KIF26B: variants seen among roughly 807,000 people sequenced by gnomAD.
The protein encoded by KIF26B is kinesin-like protein KIF26B.
KIF26B carries 63 observed loss-of-function variants against 151.2 expected under a neutral mutation model. That is an observed-to-expected ratio of 0.42 (90% CI 0.34 to 0.51). KIF26B has a LOEUF of 0.51. Ranked by LOEUF, KIF26B falls within the 20% of genes least tolerant of loss-of-function variation. The pLI is 0.07. For synonymous variants in KIF26B, 1,357 were observed against 1,262.1 expected (o/e 1.08, Z -1.59); for missense variants, 2,813 against 2,913.6 (o/e 0.97, Z 0.79).
rs1019548662 is a variant in KIF26B at position 245,702,875 on chromosome 1, T to G, written c.*269T>G. On this transcript the variant is annotated 3_prime_UTR_variant, in exon 15 of 15. Coordinates refer to ENST00000407071, the MANE Select transcript of KIF26B (RefSeq NM_018012.4). The surrounding 1 kb of genome is among the most constrained non-coding windows in gnomAD (Gnocchi z 4.1). ...GACTGAAAAAGCACTTTGAGGAACC[T>G]TAAAGACCTTGTTTGTACATAAGAA... The G allele has an allele frequency of 5.1e-6, 2 of 393,876 alleles. No homozygotes were observed. The highest frequency in any genetic ancestry group is 4.0e-5 in the African/African-American group (2 of 49,712). 24.4% of individuals were successfully genotyped at this position (393,876 alleles called of 1,614,324 possible).
Position 245,179,039 on chromosome 1 carries a change from G to A in KIF26B, c.465+22356G>A, listed in dbSNP as rs1375964788. ...TGTATACAAATGTTCATATTTGACA[G>A]ATATTCTAAGCATTAGAGATATTTA... is the stretch of plus-strand genomic sequence containing the variant. On this transcript the variant is annotated intron_variant, in intron 2 of 14. Coordinates refer to ENST00000407071, the MANE Select transcript of KIF26B (RefSeq NM_018012.4). Among the ~76,000 whole-genome samples, 7 of 151,786 alleles carry A rather than the reference G, an allele frequency of 4.6e-5. No homozygotes were observed. In the East Asian group the frequency reaches 1.4e-3, roughly 29 times the overall value.
At chr1:245,315,818 G>A (rs1044323374) in intron 2 of KIF26B, among the ~76,000 whole-genome samples, 2 of 152,170 alleles carry the variant, frequency 1.3e-5, no homozygotes, top group African/African-American at 2.4e-5. Context: ...CTTGAGCCCC[G>A]TAGATGGAGG....
intron 4 of KIF26B, among the ~76,000 whole-genome samples, chr1:245,429,612 G>C (rs1192697691): frequency 6.6e-6 from 1 of 152,002 alleles, no homozygotes; most frequent in African/African-American, 2.4e-5. Context: ...TCATTTTTTT[G>C]TTGGTTTTTG....
chr1:245,492,348 C>T (rs1660425670), intron 4 of KIF26B, among the ~76,000 whole-genome samples: 1 of 152,182 alleles, frequency 6.6e-6, no homozygotes, highest in African/African-American at 2.4e-5. Context: ...AAGATGATAT[C>T]TACAAGCTTT....
chr1:245,233,615 A>G (rs199977233), intron 2 of KIF26B, among the ~76,000 whole-genome samples: 1 of 151,990 alleles, frequency 6.6e-6, no homozygotes, highest in Non-Finnish European at 1.5e-5. Flanking sequence ...TTGATTTGCC[A>G]CCTGCCACTT....
At chr1:245,199,601 C>T (rs1161041831) in intron 2 of KIF26B, among the ~76,000 whole-genome samples, 1 of 152,006 alleles carries the variant, frequency 6.6e-6, no homozygotes, top group Admixed American at 6.6e-5. Context: ...GCCTCAGCCT[C>T]CCAAGCAGCT....
rs542642031 is a variant in KIF26B, at chr1:245,591,863, G to A, written c.1351-10714G>A. On this transcript the variant is annotated intron_variant, in intron 5 of 14. Coordinates refer to ENST00000407071, the MANE Select transcript of KIF26B (RefSeq NM_018012.4). ...TGCAGCCTGGCCAGCCCTGTCCCACGCCTGCTAATTGGTGGGGGGACCTGG... is the reference window on the plus strand; with the variant it reads ...TGCAGCCTGGCCAGCCCTGTCCCACACCTGCTAATTGGTGGGGGGACCTGG... Among the ~76,000 whole-genome samples the A allele has an allele frequency of 4.6e-5, 7 of 152,178 alleles. No homozygotes were observed. The East Asian group carries it at 9.7e-4, about 21-fold the overall frequency.
At chr1:245,575,558 A>AT (rs1295432046) in intron 5 of KIF26B, among the ~76,000 whole-genome samples, 1 of 151,990 alleles carries the variant, frequency 6.6e-6, no homozygotes, top group East Asian at 1.9e-4. Flanking sequence ...CTGTTTTTAG[A>AT]TTTTCCTTCG....
rs779789622 is a variant in KIF26B at position 245,687,223 on chromosome 1, C to G, written c.4240C>G (p.Pro1414Ala). 5 of 1,612,858 alleles carry G rather than the reference C, an allele frequency of 3.1e-6. No homozygotes were observed. Among genetic ancestry groups the G allele is most frequent in the Non-Finnish European group, 8.5e-7 (1 of 1,179,692 alleles). Residue 1414 changes from proline to alanine, a missense_variant, in exon 12 of 15, where the codon CCC becomes GCC. Pro to Ala is a conservative substitution (Grantham distance 27). This residue lies in a region of KIF26B where 2,060 missense variants were observed against 2,088.6 expected (regional missense o/e 0.99). Transcript: ENST00000407071. The surrounding 1 kb of genome is among the most constrained non-coding windows in gnomAD (Gnocchi z 4.9). ...IQEPEAPTAT[P>A]KAGPTLAQSR... ...AGAGCCGGAGGCCCCCACCGCCACCCCCAAAGCAGGCCCCACATTAGCCCA... is the reference window on the plus strand; with the variant it reads ...AGAGCCGGAGGCCCCCACCGCCACCGCCAAAGCAGGCCCCACATTAGCCCA...
At chr1:245,180,513 C>T (rs1454115681) in intron 2 of KIF26B, among the ~76,000 whole-genome samples, 1 of 152,182 alleles carries the variant, frequency 6.6e-6, no homozygotes, top group Non-Finnish European at 1.5e-5. Flanking sequence ...AATACTTAGC[C>T]CAAGTAAATG....
At chr1:245,180,244 G>T (rs1668881137) in intron 2 of KIF26B, among the ~76,000 whole-genome samples, 1 of 152,128 alleles carries the variant, frequency 6.6e-6, no homozygotes, top group African/African-American at 2.4e-5. Context: ...AGAGACTCAT[G>T]TATCTTTCTC....
In KIF26B at chr1:245,542,762, G is replaced by A. The variant is rs148730725; in HGVS notation, c.1350+1812G>A. On this transcript the variant is annotated intron_variant, in intron 5 of 14. Transcript: ENST00000407071. The stretch of plus-strand genomic sequence containing the variant: ...TATTTTTAATTGTGGTAAGATACAG[G>A]TAACATAAAATGTACCATCTGAACT... 7.7e-4 allele frequency among the ~76,000 whole-genome samples: 118 copies of A among 152,324 alleles called. 1 individual carries two copies. Among genetic ancestry groups the A allele is most frequent in the African/African-American group, 2.6e-3 (108 of 41,586 alleles).
chr1:245,276,614 G>A (rs981189799), intron 2 of KIF26B, among the ~76,000 whole-genome samples: 3 of 152,132 alleles, frequency 2.0e-5, no homozygotes, highest in African/African-American at 7.2e-5. Flanking sequence ...CCCCGCTCCC[G>A]GGAGAAGCGA....
intron 10 of KIF26B, among the ~76,000 whole-genome samples, chr1:245,665,593 G>A (rs1051354715): frequency 7.9e-5 from 12 of 152,152 alleles, no homozygotes; most frequent in Non-Finnish European, 1.6e-4. Flanking sequence ...ACTATAGCTT[G>A]TGCTTCTCTG....
chr1:245,329,744 C>T lies in KIF26B; in HGVS notation c.466-37090C>T, dbSNP rs6668934. On this transcript the variant is annotated intron_variant, in intron 2 of 14. Coordinates refer to ENST00000407071, the MANE Select transcript of KIF26B (RefSeq NM_018012.4). ...ATATCATAGTAGACGCTAACGAAAT[C>T]GTTGTTAAATAAACAATAGAGTGAC... 2.8e-3 allele frequency among the ~76,000 whole-genome samples: 419 copies of T among 152,166 alleles called. 3 individuals are homozygous for T. The highest frequency in any genetic ancestry group is 9.2e-3 in the African/African-American group (383 of 41,516).
rs945371463 is a variant in KIF26B at position 245,606,979 on chromosome 1, T to C, written c.1558-672T>C. Among the ~76,000 whole-genome samples the C allele has an allele frequency of 3.5e-5, 5 of 143,244 alleles. No individual in the cohort carries two copies. Among genetic ancestry groups the C allele is most frequent in the Non-Finnish European group, 7.4e-5 (5 of 67,302 alleles). The allele number at this position is 143,244 out of a possible 152,430, so 94.0% of individuals were successfully genotyped here. On this transcript the variant is annotated intron_variant, in intron 6 of 14. Transcript: ENST00000407071. This position sits in a 1 kb window ranked among gnomAD's most constrained non-coding sequence, Gnocchi z 4.6. The stretch of plus-strand genomic sequence containing the variant: ...TACTCGGGAGGCTGAGGCAAGAGAA[T>C]CACTTGAGCCCAGGAGGCGGAGGTT...
chr1:245,494,869 G>A (rs2019025), intron 4 of KIF26B, among the ~76,000 whole-genome samples: 151,239 of 152,034 alleles, frequency 0.99, 75,228 homozygotes, highest in Middle Eastern at 1. Context: ...GTGAAACTCT[G>A]TCTCTATAAA....
intron 2 of KIF26B, among the ~76,000 whole-genome samples, chr1:245,294,033 CTGTT>C (rs1440246382): frequency 6.6e-6 from 1 of 152,138 alleles, no homozygotes; most frequent in Admixed American, 6.5e-5. Context: ...AGAAATAAGT[CTGTT>C]TGACTGTTTT....
At chr1:245,656,292 G>A (rs899496416) in intron 10 of KIF26B, among the ~76,000 whole-genome samples, 6 of 152,082 alleles carry the variant, frequency 3.9e-5, no homozygotes, top group Admixed American at 2.0e-4. Flanking sequence ...TCTCCTCCTC[G>A]AGTCCCACTC....
Sources: gnomAD v4.1 joint callset for allele counts (sites outside exome capture counted in the v4.1 genomes callset) on GRCh38, gnomAD v4.1.1 for gene constraint, gnomAD v4.1.1 regional missense constraint, Gnocchi (gnomAD v3.1) non-coding constraint, MANE v1.5 for transcripts, NCBI Gene and HGNC (gene_info 2026-07-23, HGNC 2026-07-21) for gene names.